The following NFAT5 variants were observed in gnomAD, a reference collection of about 807,000 sequenced individuals.
NFAT5 encodes nuclear factor of activated T-cells 5.
Under a neutral mutation model 166.5 loss-of-function variants are expected in NFAT5, and 31 were observed. The observed-to-expected ratio is 0.19, with a 90% CI of 0.14 to 0.25. NFAT5 has a LOEUF of 0.25. NFAT5 is among the 10% of genes least tolerant of loss of function. The pLI is 1.00. For synonymous variants in NFAT5, 612 were observed against 639.7 expected (o/e 0.96, Z 0.65); for missense variants, 1,449 against 1,821.8 (o/e 0.80, Z 3.72).
intron 2 of NFAT5, among the ~76,000 whole-genome samples, chr16:69,616,268 C>G (rs550566564): frequency 1.4e-4 from 22 of 152,042 alleles, no homozygotes; most frequent in Non-Finnish European, 2.4e-4. Flanking sequence ...TGGGCTCCCC[C>G]TCTCTTGCCC....
At chr16:69,680,762 T>A (rs2151693719) in intron 10 of NFAT5, among the ~76,000 whole-genome samples, 1 of 152,210 alleles carries the variant, frequency 6.6e-6, no homozygotes, top group East Asian at 1.9e-4. Context: ...TTGTTTTTAT[T>A]TTGTTTTGTT....
chr16:69,673,916 A>C (rs2036725836), intron 9 of NFAT5, among the ~76,000 whole-genome samples: 1 of 152,112 alleles, frequency 6.6e-6, no homozygotes, highest in Non-Finnish European at 1.5e-5. Flanking sequence ...GCAAACCCAA[A>C]ATCAATTCAT....
intron 9 of NFAT5, among the ~76,000 whole-genome samples, chr16:69,674,955 G>A (rs2036773573): frequency 6.6e-6 from 1 of 152,130 alleles, no homozygotes; most frequent in Non-Finnish European, 1.5e-5. Flanking sequence ...TGTATGTTTT[G>A]TATGTACTGT....
chr16:69,643,235 AG>A (rs370497593), intron 3 of NFAT5, among the ~76,000 whole-genome samples: 9 of 150,902 alleles, frequency 6.0e-5, no homozygotes, highest in South Asian at 2.1e-4. Flanking sequence ...AAAAAAAAAA[AG>A]AATATATAGA....
At chr16:69,650,117 G>T (rs905194493) in intron 4 of NFAT5, among the ~76,000 whole-genome samples, 1 of 151,944 alleles carries the variant, frequency 6.6e-6, no homozygotes, top group Non-Finnish European at 1.5e-5. Context: ...CCTACTTTAG[G>T]CTTTTTGTAA....
At position 69,655,231 on chromosome 16, in the gene NFAT5, A is replaced by G. The variant is rs540436869; in HGVS notation, c.1006-378A>G. Among the ~76,000 whole-genome samples the G allele has an allele frequency of 1.3e-3, 197 of 152,294 alleles. 1 individual carries two copies. Among genetic ancestry groups the G allele is most frequent in the African/African-American group, 4.6e-3 (193 of 41,578 alleles). ...TTGGTATATGTGCTCTCATTTGATG[A>G]TGATGATGATGCCACTAACAGTTTT... On this transcript the variant is annotated intron_variant, in intron 5 of 14. Transcript: ENST00000349945.
chr16:69,683,424 C>G (rs1010683907), intron 10 of NFAT5, among the ~76,000 whole-genome samples: 3 of 151,268 alleles, frequency 2.0e-5, no homozygotes, highest in Non-Finnish European at 4.4e-5. Context: ...TCCAGCTACT[C>G]AGGAGGCTGA....
At chr16:69,680,949 G>A (rs2037034002) in intron 10 of NFAT5, among the ~76,000 whole-genome samples, 1 of 152,040 alleles carries the variant, frequency 6.6e-6, no homozygotes, top group South Asian at 2.1e-4. Context: ...TAGTAGAGAC[G>A]GGGTTTCACC....
chr16:69,626,552 TA>T, intron 3 of NFAT5, 24 bp downstream of exon 3: 1 of 1,503,178 alleles, frequency 6.7e-7, no homozygotes, highest in Non-Finnish European at 8.9e-7. Flanking sequence ...TTTACTTTAT[TA>T]AAGAAAACTA....
At chr16:69,594,267 A>C (rs531352185) in intron 2 of NFAT5, among the ~76,000 whole-genome samples, 1 of 152,358 alleles carries the variant, frequency 6.6e-6, no homozygotes, top group South Asian at 2.1e-4. Flanking sequence ...CCTAGGCTAC[A>C]AATCTGTACG....
intron 4 of NFAT5, chr16:69,648,206 G>A (rs2035526303): frequency 3.6e-5 from 35 of 974,162 alleles, no homozygotes; most frequent in East Asian, 1.1e-4. Context: ...AAAAAAAACC[G>A]AAAGAACTAG....
At chr16:69,598,391 A>T (rs2032930735) in intron 2 of NFAT5, among the ~76,000 whole-genome samples, 1 of 134,396 alleles carries the variant, frequency 7.4e-6, no homozygotes. Flanking sequence ...AAAAAAAAAA[A>T]AAAAAAAAAA....
Position 69,684,873 on chromosome 16 carries a change from C to T in NFAT5, c.1691-14C>T. 6.4e-7 allele frequency: 1 copy of T among 1,569,764 alleles called. No homozygotes were observed. Among genetic ancestry groups the T allele is most frequent in the Non-Finnish European group, 8.7e-7 (1 of 1,154,170 alleles). ...AGTAAATGTAGATAAATACATTAAT[C>T]TTTTTTTTAATAGCAGCAGCTGGTG... On this transcript the variant is annotated splice_polypyrimidine_tract_variant and intron_variant, in intron 10 of 14. Coordinates refer to ENST00000349945, the MANE Select transcript of NFAT5 (RefSeq NM_138713.4).
At chr16:69,621,469 G>C (rs1379325577) in intron 2 of NFAT5, among the ~76,000 whole-genome samples, 2 of 151,930 alleles carry the variant, frequency 1.3e-5, no homozygotes, top group East Asian at 1.9e-4. Context: ...TTTTGCTTTT[G>C]TTTTCTAAGG....
chr16:69,659,124 T>A (rs74416244), intron 6 of NFAT5, among the ~76,000 whole-genome samples: 8,845 of 151,630 alleles, frequency 0.058, 784 homozygotes, highest in African/African-American at 0.19. Context: ...AAATGTATTT[T>A]TTTATTTTTT....
At chr16:69,690,435 T>G (rs895715368) in intron 11 of NFAT5, 1 of 152,206 alleles carries the variant, frequency 6.6e-6, no homozygotes, top group Non-Finnish European at 1.5e-5. Context: ...AAAGCAAAAT[T>G]TATTAATCAC....
rs1310843459 is a variant in NFAT5, at chr16:69,659,733, C to G, written c.1203C>G (p.Asp401Glu). Reference protein sequence around the residue: ...DPSNNMTLAVDCVGILKLRNA... With the variant: ...DPSNNMTLAVECVGILKLRNA... The stretch of plus-strand genomic sequence containing the variant: ...TATTTTTTTTCTGTATTAGGGTGGA[C>G]TGCGTAGGGATATTGAAATTGAGGA... The change falls in exon 7 of 15, where the codon GAC becomes GAG. Residue 401 changes from aspartate (D) to glutamate (E), a missense_variant. Asp to Glu is a conservative substitution (Grantham distance 45). Transcript: ENST00000349945. The G allele has an allele frequency of 6.2e-7, 1 of 1,606,150 alleles. No homozygotes were observed. The highest frequency in any genetic ancestry group is 8.5e-7 in the Non-Finnish European group (1 of 1,175,810).
chr16:69,577,188 A>G (rs1229955922), intron 2 of NFAT5, among the ~76,000 whole-genome samples: 1 of 152,042 alleles, frequency 6.6e-6, no homozygotes, highest in Non-Finnish European at 1.5e-5. Context: ...GGCATCTTGT[A>G]TCCTTTCTCT....
intron 2 of NFAT5, among the ~76,000 whole-genome samples, chr16:69,581,688 A>G (rs1473372573): frequency 6.6e-6 from 1 of 152,308 alleles, no homozygotes; most frequent in African/African-American, 2.4e-5. Flanking sequence ...TCTGATGACT[A>G]ATGACATTGA....
Sources: allele counts gnomAD v4.1 joint callset (sites outside exome capture counted in the v4.1 genomes callset), GRCh38; gene constraint gnomAD v4.1.1; transcripts MANE v1.5; gene names NCBI Gene and HGNC (gene_info 2026-07-23, HGNC 2026-07-21).